CNTN5: variants seen among roughly 807,000 people sequenced by gnomAD.
The protein encoded by CNTN5 is contactin 5, also known as contactin-5.
A neutral mutation model predicts 129.1 loss-of-function variants in CNTN5; 77 were observed. The ratio of observed to expected loss-of-function variants is 0.60; its 90% CI spans 0.50 to 0.72. The LOEUF (loss-of-function observed/expected upper bound fraction) is 0.72, where lower values mean the gene tolerates loss of function less well. Among genes scored for constraint, CNTN5 ranks in the 30% least tolerant of loss-of-function variants. The pLI is 0.00. For synonymous variants in CNTN5, 509 were observed against 465.6 expected, an observed-to-expected ratio of 1.09 and a Z score of -1.20; for missense variants, 1,478 against 1,328.8, an observed-to-expected ratio of 1.11 and a Z score of -1.75.
At chr11:99,407,658 C>T (rs949462702) in intron 2 of CNTN5, among the ~76,000 whole-genome samples, 9 of 152,110 alleles carry the variant, frequency 5.9e-5, no homozygotes, top group African/African-American at 2.2e-4. Context: ...GTTCTTGTGG[C>T]CTAAACTGCC....
chr11:99,675,604 T>C (rs1161662364), intron 3 of CNTN5, among the ~76,000 whole-genome samples: 2 of 152,024 alleles, frequency 1.3e-5, no homozygotes, highest in Non-Finnish European at 2.9e-5. Context: ...AGAGTTGCTT[T>C]AACCTGGGAG....
chr11:99,305,496 G>A (rs1043508813), intron 1 of CNTN5, among the ~76,000 whole-genome samples: 2 of 152,082 alleles, frequency 1.3e-5, no homozygotes, highest in Non-Finnish European at 2.9e-5. Flanking sequence ...TTTCTTTGAT[G>A]TGATATATTA....
intron 1 of CNTN5, among the ~76,000 whole-genome samples, chr11:99,285,976 T>G (rs1422656891): frequency 7.0e-6 from 1 of 143,164 alleles, no homozygotes; most frequent in African/African-American, 2.6e-5. Context: ...AGGCAGAGGT[T>G]GTAGCGAGGT....
intron 2 of CNTN5, among the ~76,000 whole-genome samples, chr11:99,463,616 G>A (rs578258401): frequency 6.6e-6 from 1 of 152,052 alleles, no homozygotes; most frequent in South Asian, 2.1e-4. Flanking sequence ...TGAGCATAGA[G>A]AATCTGAGAC....
chr11:100,109,682 T>C (rs1445404571), intron 13 of CNTN5, among the ~76,000 whole-genome samples: 1 of 152,192 alleles, frequency 6.6e-6, no homozygotes, highest in Non-Finnish European at 1.5e-5. Context: ...AATGCGAAAG[T>C]ATTATTAAGG....
At chr11:100,150,654 A>G (rs1432717245) in intron 13 of CNTN5, among the ~76,000 whole-genome samples, 1 of 151,890 alleles carries the variant, frequency 6.6e-6, no homozygotes, top group Non-Finnish European at 1.5e-5. Context: ...AATACTCGGA[A>G]AATCAGTAAA....
chr11:100,157,110 G>GCTTTCTTTTTATCAC (rs1947271252), intron 13 of CNTN5, among the ~76,000 whole-genome samples: 1 of 151,748 alleles, frequency 6.6e-6, no homozygotes, highest in African/African-American at 2.4e-5. Flanking sequence ...GATCTTCCCT[G>GCTTTCTTTTTATCAC]CTTTCTTTTT....
Position 99,573,833 on chromosome 11 carries a change from T to C in CNTN5, c.55+17564T>C, listed in dbSNP as rs1267556999. Among the ~76,000 whole-genome samples the C allele has an allele frequency of 6.6e-5, 10 of 151,994 alleles. No individual in the cohort carries two copies. In the South Asian group the frequency reaches 2.1e-3, roughly 31 times the overall value. ...TAGAGCATATGTAATTCTTTGAAACTTCTCTAAGTTTCCAAGACATGTTCT... is the reference window on the plus strand; with the variant it reads ...TAGAGCATATGTAATTCTTTGAAACCTCTCTAAGTTTCCAAGACATGTTCT... On this transcript the variant is annotated intron_variant, in intron 3 of 24. Coordinates refer to ENST00000524871, the MANE Select transcript of CNTN5 (RefSeq NM_014361.4).
intron 3 of CNTN5, among the ~76,000 whole-genome samples, chr11:99,813,521 T>C (rs1417159829): frequency 2.0e-5 from 3 of 152,060 alleles, no homozygotes; most frequent in Non-Finnish European, 2.9e-5. Context: ...TTACTAAAAG[T>C]AGGAGTTTAA....
intron 3 of CNTN5, among the ~76,000 whole-genome samples, chr11:99,602,259 TA>T (rs1950336279): frequency 6.6e-6 from 1 of 152,124 alleles, no homozygotes; most frequent in Non-Finnish European, 1.5e-5. Flanking sequence ...TTCTAGTTTC[TA>T]TCTTGATTAT....
chr11:99,622,869 C>G (rs1230011515), intron 3 of CNTN5, among the ~76,000 whole-genome samples: 1 of 151,418 alleles, frequency 6.6e-6, no homozygotes, highest in Non-Finnish European at 1.5e-5. Flanking sequence ...CCTGCATGCT[C>G]TTTTTCAAAA....
chr11:99,487,323 T>A (rs1945856787), intron 2 of CNTN5, among the ~76,000 whole-genome samples: 1 of 152,246 alleles, frequency 6.6e-6, no homozygotes, highest in South Asian at 2.1e-4. Flanking sequence ...CAAAGGAAAC[T>A]GATGAATTCC....
At chr11:99,468,222 T>C (rs923885432) in intron 2 of CNTN5, among the ~76,000 whole-genome samples, 1 of 152,176 alleles carries the variant, frequency 6.6e-6, no homozygotes, top group African/African-American at 2.4e-5. Context: ...ATTAATTCCC[T>C]TTCTAGTGTC....
intron 1 of CNTN5, among the ~76,000 whole-genome samples, chr11:99,236,908 ATATCT>A (rs1565426838): frequency 6.6e-6 from 1 of 151,920 alleles, no homozygotes; most frequent in Non-Finnish European, 1.5e-5. Context: ...TATTCCAATA[ATATCT>A]TATATTCCTA....
chr11:99,936,749 C>T (rs1460925211), intron 7 of CNTN5, among the ~76,000 whole-genome samples: 1 of 152,132 alleles, frequency 6.6e-6, no homozygotes, highest in Admixed American at 6.6e-5. Flanking sequence ...GTTGTCTCAT[C>T]ATATTTATAA....
At chr11:99,448,912 C>G (rs894561316) in intron 2 of CNTN5, among the ~76,000 whole-genome samples, 3 of 151,616 alleles carry the variant, frequency 2.0e-5, no homozygotes, top group Non-Finnish European at 2.9e-5. Flanking sequence ...TCCCGAGTAG[C>G]TGGGACTACA....
At chr11:99,753,119 CTTT>C (rs375324214) in intron 3 of CNTN5, among the ~76,000 whole-genome samples, 1 of 93,104 alleles carries the variant, frequency 1.1e-5, no homozygotes, top group Non-Finnish European at 2.0e-5. Context: ...GCCATATTTG[CTTT>C]TTTTTTTTTT....
chr11:99,599,508 G>A (rs760695996), intron 3 of CNTN5, among the ~76,000 whole-genome samples: 17 of 151,876 alleles, frequency 1.1e-4, no homozygotes, highest in African/African-American at 1.5e-4. Flanking sequence ...ATAATATTTC[G>A]GTGTTATTTC....
At chr11:99,145,377 C>G (rs1022831017) in intron 1 of CNTN5, among the ~76,000 whole-genome samples, 1 of 149,814 alleles carries the variant, frequency 6.7e-6, no homozygotes, top group African/African-American at 2.5e-5. Context: ...ACCAGAAACA[C>G]TTTTTTTTTT....
Sources: gnomAD v4.1 joint callset for allele counts (sites outside exome capture counted in the v4.1 genomes callset) on GRCh38, gnomAD v4.1.1 for gene constraint, MANE v1.5 for transcripts, NCBI Gene and HGNC (gene_info 2026-07-23, HGNC 2026-07-21) for gene names.